The following GPR107 variants were observed in gnomAD, a reference collection of about 807,000 sequenced individuals.
GPR107 encodes protein GPR107.
A neutral mutation model predicts 75.5 loss-of-function variants in GPR107; 31 were observed. The observed-to-expected ratio is 0.41, with a 90% CI of 0.31 to 0.55. GPR107 has a LOEUF of 0.55. GPR107 is among the 20% of genes least tolerant of loss of function. The probability of loss-of-function intolerance (pLI) is 0.26; values close to 1 mark genes in which losing one functional copy is unlikely to be tolerated. For missense variants in GPR107, 572 were observed against 665.7 expected, an observed-to-expected ratio of 0.86 and a Z score of 1.55; for synonymous variants, 267 against 251.3, an observed-to-expected ratio of 1.06 and a Z score of -0.59.
Position 130,053,925 on chromosome 9 carries a change from G to C in GPR107, c.-8G>C, listed in dbSNP as rs1366522892. On this transcript the variant is annotated 5_prime_UTR_variant, in exon 1 of 18. Coordinates refer to ENST00000347136, the MANE Select transcript of GPR107 (RefSeq NM_020960.5). ...GGAGAGGAAGCGGCTGGTGATGCTG[G>C]AACAAACATGGCCGCTCTGGCGCCC... 6.4e-7 allele frequency: 1 copy of C among 1,557,792 alleles called. No homozygotes were observed. The highest frequency in any genetic ancestry group is 1.2e-5 in the South Asian group (1 of 84,858).
At chr9:130,114,015 C>G (rs960126217) in intron 14 of GPR107, among the ~76,000 whole-genome samples, 4 of 116,712 alleles carry the variant, frequency 3.4e-5, no homozygotes, top group African/African-American at 6.7e-5. Context: ...AAAAATAATT[C>G]TGGTCTTCTC....
intron 6 of GPR107, among the ~76,000 whole-genome samples, chr9:130,084,855 G>A (rs2132578536): frequency 6.6e-6 from 1 of 152,220 alleles, no homozygotes; most frequent in Admixed American, 6.5e-5. Context: ...AGTTAGGGAA[G>A]GAAGATGCCA....
intron 9 of GPR107, among the ~76,000 whole-genome samples, chr9:130,092,583 G>A (rs1830768313): frequency 6.6e-6 from 1 of 150,972 alleles, no homozygotes; most frequent in South Asian, 2.1e-4. Context: ...TTCACTTCCT[G>A]TTGTTTTGTT....
intron 13 of GPR107, among the ~76,000 whole-genome samples, chr9:130,105,368 C>T (rs1383936515): frequency 2.6e-5 from 4 of 152,028 alleles, no homozygotes; most frequent in African/African-American, 9.7e-5. Context: ...ATTCTCCTGC[C>T]TCAGCCTCCT....
At chr9:130,108,486 G>A (rs542277330) in intron 14 of GPR107, among the ~76,000 whole-genome samples, 3 of 152,324 alleles carry the variant, frequency 2.0e-5, no homozygotes, top group South Asian at 2.1e-4. Context: ...GAGGCTTCAC[G>A]CCAGGGTCAG....
At chr9:130,082,474 CTTTTTTTT>C (rs6151190) in intron 5 of GPR107, among the ~76,000 whole-genome samples, 6 of 126,266 alleles carry the variant, frequency 4.8e-5, no homozygotes, top group Admixed American at 3.2e-4. Flanking sequence ...AAAAGAATAT[CTTTTTTTT>C]TTTTTTTTTT....
chr9:130,114,591 G>GC (rs1262777105), intron 14 of GPR107: 1 of 476,124 alleles, frequency 2.1e-6, no homozygotes, highest in Admixed American at 2.5e-5. Flanking sequence ...TCACCATTTT[G>GC]CCCAGGCTGA....
At chr9:130,064,212 A>T (rs1589481457) in intron 1 of GPR107, among the ~76,000 whole-genome samples, 1 of 48,732 alleles carries the variant, frequency 2.1e-5, no homozygotes, top group Admixed American at 2.5e-4. Context: ...TTTTTTTGAG[A>T]CGGAGTCTCG....
intron 14 of GPR107, among the ~76,000 whole-genome samples, chr9:130,108,449 T>G (rs138264789): frequency 3.3e-4 from 51 of 152,388 alleles, no homozygotes; most frequent in Non-Finnish European, 6.5e-4. Flanking sequence ...ACGCATTATT[T>G]CTTTAAGTTA....
At chr9:130,070,113 C>G (rs1830169432) in intron 1 of GPR107, among the ~76,000 whole-genome samples, 1 of 148,786 alleles carries the variant, frequency 6.7e-6, no homozygotes, top group Admixed American at 6.8e-5. Flanking sequence ...CCTCCCACCT[C>G]AGCCTCTTGA....
chr9:130,082,651 T>C (rs1405820290), intron 5 of GPR107, among the ~76,000 whole-genome samples: 1 of 151,994 alleles, frequency 6.6e-6, no homozygotes, highest in African/African-American at 2.4e-5. Flanking sequence ...CTAATTTTTT[T>C]GTATTTTTTA....
At chr9:130,059,086 T>G (rs1447773512) in intron 1 of GPR107, among the ~76,000 whole-genome samples, 1 of 152,240 alleles carries the variant, frequency 6.6e-6, no homozygotes, top group Admixed American at 6.5e-5. Flanking sequence ...TTTAAGAAAC[T>G]GCCAAACTAT....
intron 1 of GPR107, among the ~76,000 whole-genome samples, chr9:130,056,527 T>G (rs1363372010): frequency 6.6e-6 from 1 of 152,034 alleles, no homozygotes; most frequent in Non-Finnish European, 1.5e-5. Context: ...AGGGCCACAT[T>G]GGAAGATGAA....
At chr9:130,057,276 G>A (rs1256868976) in intron 1 of GPR107, among the ~76,000 whole-genome samples, 4 of 152,002 alleles carry the variant, frequency 2.6e-5, no homozygotes, top group Non-Finnish European at 5.9e-5. Context: ...GTCAAGAGTT[G>A]GAGGCTGCGG....
At chr9:130,122,063 TG>T (rs1831561481) in intron 14 of GPR107, among the ~76,000 whole-genome samples, 1 of 152,070 alleles carries the variant, frequency 6.6e-6, no homozygotes. Context: ...GCTAATTTTT[TG>T]TAATTTTAGT....
intron 14 of GPR107, chr9:130,110,396 A>G (rs969758430): frequency 1.3e-6 from 2 of 1,538,888 alleles, no homozygotes; most frequent in African/African-American, 2.7e-5. Flanking sequence ...TCTTCAGCAG[A>G]GAGCGAATCT....
intron 6 of GPR107, 130 bp downstream of exon 6, chr9:130,083,732 G>A (rs954305607): frequency 4.2e-6 from 2 of 473,714 alleles, no homozygotes; most frequent in Non-Finnish European, 7.4e-6. Context: ...ATATACAGTC[G>A]TCCCTTGGTG....
At chr9:130,057,017 G>A (rs1829810764) in intron 1 of GPR107, among the ~76,000 whole-genome samples, 1 of 149,658 alleles carries the variant, frequency 6.7e-6, no homozygotes, top group South Asian at 2.1e-4. Context: ...TCCTGGACAA[G>A]CTTGTTCTGA....
chr9:130,104,695 G>T, intron 13 of GPR107, 145 bp downstream of exon 13: 2 of 664,202 alleles, frequency 3.0e-6, no homozygotes, highest in Non-Finnish European at 5.2e-6. Flanking sequence ...ACCTGAATCA[G>T]CCTCCAGGGG....
Sources: gnomAD v4.1 joint callset for allele counts (sites outside exome capture counted in the v4.1 genomes callset) on GRCh38, gnomAD v4.1.1 for gene constraint, MANE v1.5 for transcripts, NCBI Gene and HGNC (gene_info 2026-07-23, HGNC 2026-07-21) for gene names.